SUN2: variants seen among roughly 807,000 people sequenced by gnomAD.
SUN2 encodes the protein SUN domain-containing protein 2.
SUN2 carries 60 observed loss-of-function variants against 100.0 expected under a neutral mutation model. The observed-to-expected ratio is 0.60, with a 90% confidence interval of 0.49 to 0.74. The LOEUF is 0.74. Among genes scored for constraint, SUN2 ranks in the 30% least tolerant of loss-of-function variants. The pLI is 0.00. For synonymous variants in SUN2, 367 were observed against 403.3 expected (o/e 0.91, Z 1.08); for missense variants, 834 against 954.6 (o/e 0.87, Z 1.66).
At chr22:38,749,191 G>A (rs1345670770) in intron 6 of SUN2, 2 of 200,690 alleles carry the variant, frequency 1.0e-5, no homozygotes, top group East Asian at 2.4e-4. Flanking sequence ...CCTCTGCCCG[G>A]ACCTGGATTA....
chr22:38,742,608 T>G (rs1289136205), intron 8 of SUN2, 53 bp from the exon 9 acceptor site: 1 of 1,560,002 alleles, frequency 6.4e-7, no homozygotes, highest in Admixed American at 1.8e-5. Flanking sequence ...ATGATAGTGC[T>G]TCCCAAAGAC....
At chr22:38,754,785 G>T in intron 1 of SUN2, 1 of 1,286,834 alleles carries the variant, frequency 7.8e-7, no homozygotes, top group South Asian at 1.2e-5. Context: ...TATTCTGATG[G>T]AGGTTGAGCG....
At chr22:38,752,983 G>A (rs1444327690) in intron 1 of SUN2, among the ~76,000 whole-genome samples, 4 of 152,238 alleles carry the variant, frequency 2.6e-5, no homozygotes, top group African/African-American at 4.8e-5. Context: ...GCTGAGCTCC[G>A]CACAAGCCAG....
chr22:38,747,915 C>A (rs192304988), intron 7 of SUN2, among the ~76,000 whole-genome samples: 1 of 152,228 alleles, frequency 6.6e-6, no homozygotes, highest in East Asian at 1.9e-4. Context: ...TGCACTTCAG[C>A]TGGGGTGACA....
Position 38,745,789 on chromosome 22 carries a change from A to G in SUN2, c.708T>C (p.Tyr236=), listed in dbSNP as rs2092899438. The G allele has an allele frequency of 6.2e-7, 1 of 1,614,010 alleles. No individual in the cohort carries two copies. The highest frequency in any genetic ancestry group is 8.5e-7 in the Non-Finnish European group (1 of 1,179,982). ...AAGCAGGGTGGAATGTCTGCAGCCC[A>G]TAGGGGTAGAAATACCAAGCACCTG... The part of the protein sequence containing the change: ...LTYGAWYFYP[Y]GLQTFHPALV... Residue 236 remains tyrosine, a synonymous_variant, in exon 8 of 18, where the codon TAT becomes TAC. Coordinates refer to ENST00000689035, the MANE Select transcript of SUN2 (RefSeq NM_015374.3).
Position 38,740,956 on chromosome 22 carries a change from T to G in SUN2, c.1190+51A>C, listed in dbSNP as rs754434337. The G allele has an allele frequency of 1.3e-6, 2 of 1,542,084 alleles. No homozygotes were observed. The stretch of plus-strand genomic sequence containing the variant: ...CTGCTCCCCAGTCCTGCCTGGAGAG[T>G]GGGTGGGGCTGGGGAGGAGCAGGCC... On this transcript the variant is annotated intron_variant, in intron 11 of 17. Coordinates refer to ENST00000689035, the MANE Select transcript of SUN2 (RefSeq NM_015374.3). The surrounding 1 kb of genome is among the most constrained non-coding windows in gnomAD (Gnocchi z 4.8).
chr22:38,742,423 C>T lies in SUN2; in HGVS notation c.946G>A (p.Gly316Ser). ...ERLELRQGAP[G>S]QGGGGGLSHE... The stretch of plus-strand genomic sequence containing the variant: ...CTCAGGCCACCACCACCTCCCTGGC[C>T]AGGAGCCCCTTGCCGCAGCTCCAGA... The change falls in exon 9 of 18, where the codon GGC (glycine) becomes AGC (serine). Residue 316 changes from glycine (G) to serine (S), a missense_variant. Gly to Ser is a moderately conservative substitution (Grantham distance 56, BLOSUM62 0). Transcript: ENST00000689035. 1 of 1,613,394 alleles carries T rather than the reference C, an allele frequency of 6.2e-7. No homozygotes were observed. The highest frequency in any genetic ancestry group is 2.2e-5 in the East Asian group (1 of 44,868).
intron 8 of SUN2, chr22:38,742,776 A>T (rs920073280): frequency 1.4e-5 from 8 of 580,380 alleles, no homozygotes; most frequent in Non-Finnish European, 2.4e-5. Flanking sequence ...GCCACAGAGG[A>T]AGGTCCCTGA....
rs1363930564 is a variant in SUN2 at position 38,751,316 on chromosome 22, G to C, written c.180C>G (p.Gly60=). The C allele has an allele frequency of 1.9e-6, 3 of 1,614,002 alleles. No individual in the cohort carries two copies. The Admixed American group carries it at 5.0e-5, about 27-fold the overall frequency. ...MKRLSPAPQL[G]PSSDAHTSYY... ...AGGAGGTGTGTGCATCAGAGGACGGGCCCAGCTGTGGCGCTGGGGACAGGC... is the reference window on the plus strand; with the variant it reads ...AGGAGGTGTGTGCATCAGAGGACGGCCCCAGCTGTGGCGCTGGGGACAGGC... The change falls in exon 3 of 18, where the codon GGC becomes GGG. Residue 60 remains glycine (G), a synonymous_variant. Transcript: ENST00000689035.
Position 38,752,647 on chromosome 22 carries a change from C to G in SUN2, c.-19G>C. On this transcript the variant is annotated 5_prime_UTR_variant, in exon 2 of 18. Coordinates refer to ENST00000689035, the MANE Select transcript of SUN2 (RefSeq NM_015374.3). Reference sequence around the variant, plus strand: ...GGGACATGATGAGGTGGGATGTGGACTCTTCCCCTGAAGAGAATCTAAGGA... The same window carrying G: ...GGGACATGATGAGGTGGGATGTGGAGTCTTCCCCTGAAGAGAATCTAAGGA... 1.2e-6 allele frequency: 2 copies of G among 1,612,696 alleles called. No homozygotes were observed. The highest frequency in any genetic ancestry group is 8.5e-7 in the Non-Finnish European group (1 of 1,179,680).
Position 38,752,676 on chromosome 22 carries a change from AGAG to A in SUN2, c.-37-14_-37-12del. The A allele has an allele frequency of 1.9e-6, 3 of 1,604,566 alleles. No homozygotes were observed. Among genetic ancestry groups the A allele is most frequent in the South Asian group, 1.1e-5 (1 of 90,252 alleles). The stretch of plus-strand genomic sequence containing the variant: ...TCCCCTGAAGAGAATCTAAGGAGAG[AGAG>A]GAGGAGGACTGGATGTGAGGCCTGG... On this transcript the variant is annotated splice_polypyrimidine_tract_variant and intron_variant, in intron 1 of 17. Coordinates refer to ENST00000689035, the MANE Select transcript of SUN2 (RefSeq NM_015374.3).
Position 38,738,825 on chromosome 22 carries a change from C to T in SUN2, c.1779+48G>A. ...TCTTGCTGACCCCAGATGGGACCAG[C>T]CCTCAGTGTGCTCAGAGCCCCCGCT... is the stretch of plus-strand genomic sequence containing the variant. On this transcript the variant is annotated intron_variant, in intron 15 of 17. Coordinates refer to ENST00000689035, the MANE Select transcript of SUN2 (RefSeq NM_015374.3). This position sits in a 1 kb window ranked among gnomAD's most constrained non-coding sequence, Gnocchi z 6.6. 2 of 1,596,592 alleles carry T rather than the reference C, an allele frequency of 1.3e-6. No individual in the cohort carries two copies. Among genetic ancestry groups the T allele is most frequent in the Non-Finnish European group, 1.7e-6 (2 of 1,168,824 alleles).
chr22:38,741,779 G>T (rs1342385522), intron 9 of SUN2, among the ~76,000 whole-genome samples: 1 of 152,132 alleles, frequency 6.6e-6, no homozygotes, highest in Admixed American at 6.5e-5. Flanking sequence ...CTTTCTACTC[G>T]CACAGCTCAC....
chr22:38,737,853 T>G lies in SUN2; in HGVS notation c.2040+320A>C. 1.8e-6 allele frequency: 1 copy of G among 550,010 alleles called. No individual in the cohort carries two copies. Among genetic ancestry groups the G allele is most frequent in the Non-Finnish European group, 3.6e-6 (1 of 281,132 alleles). 34.1% of individuals were successfully genotyped at this position (550,010 alleles called of 1,614,324 possible). A position where few individuals can be genotyped will look rare whatever the true frequency, so the allele number is the denominator to read the frequency against. On this transcript the variant is annotated intron_variant, in intron 17 of 17. Coordinates refer to ENST00000689035, the MANE Select transcript of SUN2 (RefSeq NM_015374.3). The surrounding 1 kb of genome is among the most constrained non-coding windows in gnomAD (Gnocchi z 4.1). ...ATGGTAGAATGCCCGCGCCCTGGCA[T>G]GTGCTGGCGGCGGCTCCTCGAACGC...
rs2092818209 is a variant in SUN2, at chr22:38,737,688, C to T, written c.2040+485G>A. 1 of 354,252 alleles carries T rather than the reference C, an allele frequency of 2.8e-6. No homozygotes were observed. 21.9% of individuals were successfully genotyped at this position (354,252 alleles called of 1,614,324 possible). ...CTTAGGCCAATGGTTTGTTCAAATG[C>T]AGGCTCCTGGGTCCTGTCAGCCCTA... is the stretch of plus-strand genomic sequence containing the variant. On this transcript the variant is annotated intron_variant, in intron 17 of 17. Transcript: ENST00000689035. The surrounding 1 kb of genome is among the most constrained non-coding windows in gnomAD (Gnocchi z 4.1).
chr22:38,749,649 G>A (rs1449553670), intron 6 of SUN2, 117 bp downstream of exon 6: 24 of 945,456 alleles, frequency 2.5e-5, no homozygotes, highest in Middle Eastern at 2.2e-4. Context: ...GCTAATAAAG[G>A]CTCCAGGGAA....
chr22:38,740,379 T>G lies in SUN2; in HGVS notation c.1244A>C (p.Glu415Ala), dbSNP rs1174632975. Reference protein sequence around the residue: ...ESSVKELRRLEDQLAGLQQEL... With the variant: ...ESSVKELRRLADQLAGLQQEL... Reference sequence around the variant, plus strand: ...CTGCTGCAGGCCGGCCAGCTGGTCCTCCAGCCGCCTCAGCTCCTTCACAGA... The same window carrying G: ...CTGCTGCAGGCCGGCCAGCTGGTCCGCCAGCCGCCTCAGCTCCTTCACAGA... The change falls in exon 12 of 18, where the codon GAG (glutamate) becomes GCG (alanine). Residue 415 changes from glutamate (E) to alanine (A), a missense_variant. Glu to Ala is a moderately radical substitution (Grantham distance 107). Transcript: ENST00000689035. This position sits in a 1 kb window ranked among gnomAD's most constrained non-coding sequence, Gnocchi z 4.8. 6.4e-7 allele frequency: 1 copy of G among 1,573,962 alleles called. No individual in the cohort carries two copies. Among genetic ancestry groups the G allele is most frequent in the African/African-American group, 1.3e-5 (1 of 74,216 alleles).
chr22:38,750,094 T>C, intron 5 of SUN2, 131 bp downstream of exon 5: 1 of 1,393,870 alleles, frequency 7.2e-7, no homozygotes, highest in East Asian at 2.4e-5. Context: ...CTCCCAGTGA[T>C]TATTCTAGAA....
Position 38,752,531 on chromosome 22 carries a change from G to T in SUN2, c.98C>A (p.Thr33Asn), listed in dbSNP as rs530473428. The T allele has an allele frequency of 3.1e-6, 5 of 1,613,756 alleles. No individual in the cohort carries two copies. In the East Asian group the frequency reaches 1.1e-4, roughly 36 times the overall value. The change falls in exon 2 of 18, where the codon ACC becomes AAC. Residue 33 changes from threonine to asparagine, a missense_variant. By Grantham distance (65) the Thr-to-Asn change is moderately conservative. Transcript: ENST00000689035. Reference sequence around the variant, plus strand: ...CCTGAGAGGACTGTCTTTAAACAGGGTGCTCTGACTCCCAGCCACCGAGCT... The same window carrying T: ...CCTGAGAGGACTGTCTTTAAACAGGTTGCTCTGACTCCCAGCCACCGAGCT... ...GGSSVAGSQSTLFKDSPLRTL... is the reference protein window; with the variant it reads ...GGSSVAGSQSNLFKDSPLRTL...
Sources: gnomAD v4.1 joint callset for allele counts (sites outside exome capture counted in the v4.1 genomes callset) on GRCh38, gnomAD v4.1.1 for gene constraint, Gnocchi (gnomAD v3.1) non-coding constraint, MANE v1.5 for transcripts, NCBI Gene and HGNC (gene_info 2026-07-23, HGNC 2026-07-21) for gene names.